TMEM178A: variants seen among roughly 807,000 people sequenced by gnomAD.
TMEM178A encodes the protein transmembrane protein 178A.
TMEM178A carries 12 observed loss-of-function variants against 29.1 expected under a neutral mutation model. The ratio of observed to expected loss-of-function variants is 0.41; its 90% CI spans 0.26 to 0.67. The LOEUF (loss-of-function observed/expected upper bound fraction) is 0.67. TMEM178A is among the 30% of genes least tolerant of loss of function. The probability of loss-of-function intolerance (pLI) is 0.29; values close to 1 mark genes in which losing one functional copy is unlikely to be tolerated. For synonymous variants in TMEM178A, 210 were observed against 187.2 expected (o/e 1.12, Z -0.99); for missense variants, 366 against 419.1 (o/e 0.87, Z 1.11).
chr2:39,685,925 C>T (rs10198048), intron 1 of TMEM178A, among the ~76,000 whole-genome samples: 2,116 of 152,292 alleles, frequency 0.014, 58 homozygotes, highest in African/African-American at 0.049. Context: ...GTTTGTGTGT[C>T]TCAGGAAGTG....
At chr2:39,689,367 T>C (rs948388332) in intron 1 of TMEM178A, among the ~76,000 whole-genome samples, 1 of 152,182 alleles carries the variant, frequency 6.6e-6, no homozygotes, top group Non-Finnish European at 1.5e-5. Flanking sequence ...AGAGATCTAG[T>C]TTAGTTTCAT....
At chr2:39,724,414 T>C in the TMEM178A span, among the ~76,000 whole-genome samples, 2 of 152,182 alleles carry the variant, frequency 1.3e-5, no homozygotes, top group South Asian at 4.1e-4. Context: ...TAACCACACA[T>C]TTAAGAAGCC....
chr2:39,720,890 T>G (rs572415618), downstream of TMEM178A, among the ~76,000 whole-genome samples: 1 of 152,202 alleles, frequency 6.6e-6, no homozygotes. Context: ...AAAGGGACTA[T>G]TAACCCAAAC....
chr2:39,733,326 A>G, the TMEM178A span, among the ~76,000 whole-genome samples: 3 of 152,226 alleles, frequency 2.0e-5, no homozygotes, highest in Non-Finnish European at 4.4e-5. Context: ...TGGTTCATAC[A>G]TGATTTTTTC....
chr2:39,687,107 C>G (rs1671113823), intron 1 of TMEM178A, among the ~76,000 whole-genome samples: 1 of 151,682 alleles, frequency 6.6e-6, no homozygotes, highest in Admixed American at 6.6e-5. Flanking sequence ...GCCAGGAAAT[C>G]TGTGTGTCCT....
Position 39,678,348 on chromosome 2 carries a change from G to GA in TMEM178A, c.400+11976dup, listed in dbSNP as rs1572652909. 2.6e-5 allele frequency among the ~76,000 whole-genome samples: 4 copies of GA among 152,254 alleles called. No individual in the cohort carries two copies. In the East Asian group the frequency reaches 7.7e-4, roughly 29 times the overall value. On this transcript the variant is annotated intron_variant, in intron 1 of 3. Transcript: ENST00000281961. ...ACAATCCAAATGTCCATCAACTGAT[G>GA]AATAGATAAGAAAATGTGGTATGTC... is the stretch of plus-strand genomic sequence containing the variant.
downstream of TMEM178A, among the ~76,000 whole-genome samples, chr2:39,719,773 G>C (rs1267710834): frequency 2.6e-5 from 4 of 152,070 alleles, no homozygotes; most frequent in Admixed American, 2.6e-4. Context: ...ATTAGAACCA[G>C]TGTTGTCCAT....
At chr2:39,676,603 C>T (rs183739318) in intron 1 of TMEM178A, among the ~76,000 whole-genome samples, 1 of 152,262 alleles carries the variant, frequency 6.6e-6, no homozygotes, top group Admixed American at 6.5e-5. Flanking sequence ...TTTCTTAGAC[C>T]AATCAAGCTT....
At chr2:39,696,574 C>T (rs1671550959) in intron 1 of TMEM178A, among the ~76,000 whole-genome samples, 1 of 152,126 alleles carries the variant, frequency 6.6e-6, no homozygotes, top group East Asian at 1.9e-4. Context: ...AGTAATTTGC[C>T]ACAAGTCACA....
the TMEM178A span, among the ~76,000 whole-genome samples, chr2:39,730,248 G>C: frequency 6.6e-6 from 1 of 152,114 alleles, no homozygotes; most frequent in Non-Finnish European, 1.5e-5. Context: ...GGGTTTCCAC[G>C]AATGACCCTG....
At chr2:39,735,048 T>C in the TMEM178A span, among the ~76,000 whole-genome samples, 3 of 152,210 alleles carry the variant, frequency 2.0e-5, no homozygotes, top group Non-Finnish European at 2.9e-5. Context: ...ATTTGCAATA[T>C]AGCAGCTACA....
downstream of TMEM178A, among the ~76,000 whole-genome samples, chr2:39,718,193 T>TCTC (rs3032160): frequency 0.55 from 83,857 of 151,422 alleles, 24,095 homozygotes; most frequent in East Asian, 0.77. Context: ...ACAATTTTCT[T>TCTC]CTTCTCCTTC....
intron 1 of TMEM178A, among the ~76,000 whole-genome samples, chr2:39,702,314 A>G (rs1214189576): frequency 1.3e-5 from 2 of 152,112 alleles, no homozygotes; most frequent in African/African-American, 2.4e-5. Context: ...TAAACTAATT[A>G]TTGTACAGAA....
At chr2:39,694,963 G>T (rs1488959221) in intron 1 of TMEM178A, among the ~76,000 whole-genome samples, 2 of 152,164 alleles carry the variant, frequency 1.3e-5, no homozygotes, top group African/African-American at 4.8e-5. Flanking sequence ...GGCTCTAAAA[G>T]TCAGTGTTAA....
intron 1 of TMEM178A, among the ~76,000 whole-genome samples, chr2:39,671,425 C>T (rs946311061): frequency 3.9e-5 from 6 of 152,168 alleles, no homozygotes; most frequent in African/African-American, 1.4e-4. Context: ...GAGAAACCAG[C>T]ACCGTCTCTC....
chr2:39,714,250 G>T (rs2540237), intron 3 of TMEM178A, among the ~76,000 whole-genome samples: 4,163 of 152,130 alleles, frequency 0.027, 195 homozygotes, highest in African/African-American at 0.095. Context: ...AGAGGGGATG[G>T]ATTTTTGGGC....
the TMEM178A span, among the ~76,000 whole-genome samples, chr2:39,734,163 C>G: frequency 6.6e-6 from 1 of 152,308 alleles, no homozygotes; most frequent in Non-Finnish European, 1.5e-5. Flanking sequence ...AAGCTCACTG[C>G]AGTCTGGTTT....
At chr2:39,669,276 A>C (rs1333598463) in intron 1 of TMEM178A, among the ~76,000 whole-genome samples, 1 of 152,210 alleles carries the variant, frequency 6.6e-6, no homozygotes, top group Non-Finnish European at 1.5e-5. Flanking sequence ...TGCAGGGAAG[A>C]AAATGTAGAG....
At chr2:39,682,642 C>T (rs1319085914) in intron 1 of TMEM178A, among the ~76,000 whole-genome samples, 2 of 152,092 alleles carry the variant, frequency 1.3e-5, no homozygotes, top group East Asian at 1.9e-4. Context: ...TTGCCACTGC[C>T]TGGGGCCTTT....
Sources: allele counts gnomAD v4.1 joint callset (sites outside exome capture counted in the v4.1 genomes callset), GRCh38; gene constraint gnomAD v4.1.1; transcripts MANE v1.5; gene names NCBI Gene and HGNC (gene_info 2026-07-23, HGNC 2026-07-21).